The following PIWIL2 variants were observed in gnomAD, a reference collection of about 807,000 sequenced individuals.
PIWIL2 encodes the protein piwi like RNA-mediated gene silencing 2.
In PIWIL2, 81 loss-of-function variants were observed where a neutral mutation model predicts 116.5. The observed-to-expected ratio is 0.70, with a 90% CI of 0.58 to 0.84. PIWIL2 has a LOEUF of 0.84. PIWIL2 is among the 40% of genes least tolerant of loss of function. PIWIL2 has a pLI of 0.00. For missense variants in PIWIL2, 1,272 were observed against 1,212.3 expected (o/e 1.05, Z -0.73); for synonymous variants, 489 against 429.5 (o/e 1.14, Z -1.71).
At chr8:22,346,918 G>T (rs1231551193) in intron 20 of PIWIL2, among the ~76,000 whole-genome samples, 1 of 152,054 alleles carries the variant, frequency 6.6e-6, no homozygotes, top group Non-Finnish European at 1.5e-5. Context: ...GCTCGTGGCT[G>T]TAATCCCAAC....
intron 20 of PIWIL2, 55 bp downstream of exon 20, chr8:22,318,330 T>A: frequency 9.9e-7 from 1 of 1,014,290 alleles, no homozygotes; most frequent in South Asian, 1.4e-5. Flanking sequence ...TTTATTTTTT[T>A]TTTTGAGACA....
At chr8:22,308,422 G>A (rs1831242377) in intron 14 of PIWIL2, among the ~76,000 whole-genome samples, 1 of 152,210 alleles carries the variant, frequency 6.6e-6, no homozygotes. Context: ...GGAGGCTGAG[G>A]CAGGTGGATC....
intron 10 of PIWIL2, among the ~76,000 whole-genome samples, chr8:22,292,605 T>A (rs961575739): frequency 6.6e-6 from 1 of 152,252 alleles, no homozygotes; most frequent in Non-Finnish European, 1.5e-5. Context: ...AATATAGGGC[T>A]TAGCACTGTC....
intron 10 of PIWIL2, among the ~76,000 whole-genome samples, chr8:22,293,073 C>T (rs1482617950): frequency 6.6e-6 from 1 of 152,040 alleles, no homozygotes; most frequent in Non-Finnish European, 1.5e-5. Context: ...TCTTTTTTTG[C>T]AGTTTCTGCC....
At chr8:22,328,818 GT>G (rs57027657) in intron 20 of PIWIL2, among the ~76,000 whole-genome samples, 6,209 of 107,110 alleles carry the variant, frequency 0.058, 166 homozygotes, top group Admixed American at 0.11. Context: ...AGCTCTAGTC[GT>G]TTTTTTTTTT....
intron 20 of PIWIL2, among the ~76,000 whole-genome samples, chr8:22,343,584 C>T (rs956941483): frequency 6.6e-6 from 1 of 152,170 alleles, no homozygotes; most frequent in African/African-American, 2.4e-5. Context: ...GGTGACAGAG[C>T]GAGACTCCGT....
rs761160594 is a variant in PIWIL2, at chr8:22,284,266, C to T, written c.737C>T (p.Thr246Ile). The change falls in exon 6 of 23, where the codon ACT (threonine) becomes ATT (isoleucine). Residue 246 changes from threonine (T) to isoleucine (I), a missense_variant. Transcript: ENST00000356766. Reference sequence around the variant, plus strand: ...GAAGCAGTTTATCAATATCATGTGACTTTCAGGTATTCACAGCTTTCCTTT... The same window carrying T: ...GAAGCAGTTTATCAATATCATGTGATTTTCAGGTATTCACAGCTTTCCTTT... ...HNEAVYQYHVTFSPNVECKSM... is the reference protein window; with the variant it reads ...HNEAVYQYHVIFSPNVECKSM... 5.9e-5 allele frequency: 91 copies of T among 1,538,188 alleles called. No individual in the cohort carries two copies. Among genetic ancestry groups the T allele is most frequent in the Non-Finnish European group, 7.9e-5 (89 of 1,120,668 alleles).
At chr8:22,311,466 G>C (rs1008745664) in intron 16 of PIWIL2, among the ~76,000 whole-genome samples, 166 bp downstream of exon 16, 1 of 152,136 alleles carries the variant, frequency 6.6e-6, no homozygotes. Flanking sequence ...ATGCCCTTTG[G>C]TTAATTTTGC....
chr8:22,285,647 TTTTTTTTCTTTTGAGACA>T (rs1830613023), intron 6 of PIWIL2, among the ~76,000 whole-genome samples: 2 of 152,096 alleles, frequency 1.3e-5, no homozygotes. Flanking sequence ...ACTATTTCTT[TTTTTTTTCTTTTGAGACA>T]GGGTCTCAAT....
intron 5 of PIWIL2, among the ~76,000 whole-genome samples, chr8:22,283,705 G>A (rs1009800057): frequency 5.9e-5 from 9 of 152,180 alleles, no homozygotes; most frequent in Admixed American, 3.9e-4. Context: ...CACTGTGTCC[G>A]GCCAAGGTGG....
intron 8 of PIWIL2, among the ~76,000 whole-genome samples, chr8:22,289,495 A>T (rs1363017906): frequency 6.6e-6 from 1 of 152,176 alleles, no homozygotes; most frequent in Non-Finnish European, 1.5e-5. Context: ...GCCAGGAGTA[A>T]ACATAGCTCC....
rs1341688245 is a variant in PIWIL2, at chr8:22,281,336, T to A, written c.287-41T>A. 3.1e-6 allele frequency: 5 copies of A among 1,588,400 alleles called. No individual in the cohort carries two copies. The Admixed American group carries it at 5.9e-5, about 19-fold the overall frequency. ...AAAAAAACTATACTTTAAAACACGT[T>A]TAAGTCATAGTCATTGCTGGGGTTC... On this transcript the variant is annotated intron_variant, in intron 3 of 22. Transcript: ENST00000356766.
chr8:22,354,053 G>A (rs906037843), intron 21 of PIWIL2, among the ~76,000 whole-genome samples: 4 of 152,072 alleles, frequency 2.6e-5, no homozygotes, highest in African/African-American at 9.7e-5. Context: ...TAGGATTACA[G>A]GCATGAGTCA....
intron 20 of PIWIL2, among the ~76,000 whole-genome samples, chr8:22,325,852 A>G (rs1157478220): frequency 6.6e-6 from 1 of 152,104 alleles, no homozygotes; most frequent in African/African-American, 2.4e-5. Context: ...TCCAGTCTGT[A>G]GTAAGTAAGT....
chr8:22,351,436 C>CATATGT (rs1306694253), intron 20 of PIWIL2, among the ~76,000 whole-genome samples: 1 of 46,270 alleles, frequency 2.2e-5, no homozygotes, highest in South Asian at 1.1e-3. Context: ...ACAGTGCATA[C>CATATGT]ATACATATAT....
At chr8:22,341,018 T>G (rs1242060818) in intron 20 of PIWIL2, among the ~76,000 whole-genome samples, 1 of 152,134 alleles carries the variant, frequency 6.6e-6, no homozygotes, top group Non-Finnish European at 1.5e-5. Flanking sequence ...CTAGCAAAGA[T>G]TTGTTCATAG....
At chr8:22,321,965 C>G (rs904837589) in intron 20 of PIWIL2, 1 of 985,130 alleles carries the variant, frequency 1.0e-6, no homozygotes, top group Non-Finnish European at 1.2e-6. Context: ...TTCTAAATCT[C>G]TCACTTGTCC....
chr8:22,318,133 C>G, intron 19 of PIWIL2, 37 bp from the exon 20 acceptor site: 2 of 1,332,746 alleles, frequency 1.5e-6, no homozygotes, highest in Non-Finnish European at 2.2e-6. Flanking sequence ...ATTTGTTCAT[C>G]TTCCTTTCTC....
intron 4 of PIWIL2, 29 bp from the exon 5 acceptor site, chr8:22,283,005 C>T: frequency 6.4e-7 from 1 of 1,570,982 alleles, no homozygotes; most frequent in African/African-American, 1.3e-5. Flanking sequence ...TATAAAAAAC[C>T]CTGATTTGCC....
Sources: allele counts gnomAD v4.1 joint callset (sites outside exome capture counted in the v4.1 genomes callset), GRCh38; gene constraint gnomAD v4.1.1; transcripts MANE v1.5; gene names NCBI Gene and HGNC (gene_info 2026-07-23, HGNC 2026-07-21).